PCDHGA9: variants seen among roughly 807,000 people sequenced by gnomAD.
PCDHGA9 encodes the protein protocadherin gamma subfamily A, 9.
A neutral mutation model predicts 62.5 loss-of-function variants in PCDHGA9; 37 were observed. The observed-to-expected ratio is 0.59, with a 90% CI of 0.46 to 0.78. PCDHGA9 has a LOEUF of 0.78. Among genes scored for constraint, PCDHGA9 ranks in the 30% least tolerant of loss-of-function variants. PCDHGA9 has a pLI of 0.00. For missense variants in PCDHGA9, 1,138 were observed against 1,166.2 expected, an observed-to-expected ratio of 0.98 and a Z score of 0.35; for synonymous variants, 459 against 484.6, an observed-to-expected ratio of 0.95 and a Z score of 0.69.
intron 1 of PCDHGA9, chr5:141,412,915 T>C (rs1167427710): frequency 2.0e-5 from 8 of 407,356 alleles, no homozygotes; most frequent in Non-Finnish European, 2.6e-5. Flanking sequence ...ATGTATCACT[T>C]GGGTGCAGTA....
At chr5:141,441,871 G>A (rs1020432020) in intron 1 of PCDHGA9, 3 of 340,480 alleles carry the variant, frequency 8.8e-6, no homozygotes, top group Admixed American at 8.1e-5. Context: ...CGCGGAGCCT[G>A]GCTACCTGGT....
At chr5:141,430,351 A>G (rs923321842) in intron 1 of PCDHGA9, among the ~76,000 whole-genome samples, 5 of 152,046 alleles carry the variant, frequency 3.3e-5, no homozygotes, top group African/African-American at 1.2e-4. Flanking sequence ...CAATTCATTT[A>G]AAAGCTCATT....
chr5:141,447,805 G>T (rs1389870133), intron 1 of PCDHGA9, among the ~76,000 whole-genome samples: 2 of 152,064 alleles, frequency 1.3e-5, no homozygotes, highest in African/African-American at 4.8e-5. Context: ...AATAAAATTG[G>T]CTGGGCGTGG....
At chr5:141,418,201 A>G (rs2096236241) in intron 1 of PCDHGA9, 1 of 1,614,020 alleles carries the variant, frequency 6.2e-7, no homozygotes, top group Non-Finnish European at 8.5e-7. Flanking sequence ...AAAATCCTTT[A>G]AATATTTTTC....
At chr5:141,428,147 G>C (rs771536400) in intron 1 of PCDHGA9, 1 of 1,589,612 alleles carries the variant, frequency 6.3e-7, no homozygotes, top group Admixed American at 1.7e-5. Flanking sequence ...GGCTGCACAC[G>C]GGAACCTGCT....
At chr5:141,427,100 T>G (rs1270371842) in intron 1 of PCDHGA9, 1 of 458,010 alleles carries the variant, frequency 2.2e-6, no homozygotes, top group Non-Finnish European at 4.4e-6. Flanking sequence ...AGGGTGTCAA[T>G]GCGGAGATCA....
At chr5:141,413,148 CTT>C (rs2095608671) in intron 1 of PCDHGA9, 2 of 1,570,414 alleles carry the variant, frequency 1.3e-6, no homozygotes, top group South Asian at 1.2e-5. Flanking sequence ...CCAGTGAGGA[CTT>C]TGCAGAATTC....
At position 141,511,124 on chromosome 5, in the gene PCDHGA9, C is replaced by A. The variant is rs752246201; in HGVS notation, c.2750C>A (p.Ala917Glu). The A allele has an allele frequency of 6.2e-7, 1 of 1,614,206 alleles. No homozygotes were observed. The highest frequency in any genetic ancestry group is 8.5e-7 in the Non-Finnish European group (1 of 1,180,022). ...AAGKRDGKAP[A>E]GGNGNKKKSG... The stretch of plus-strand genomic sequence containing the variant: ...GGCAAGCGGGATGGCAAGGCCCCAG[C>A]AGGTGGCAATGGCAACAAGAAGAAG... Residue 917 changes from alanine (A) to glutamate (E), a missense_variant, in exon 4 of 4, where the codon GCA becomes GAA. Coordinates refer to ENST00000573521, the MANE Select transcript of PCDHGA9 (RefSeq NM_018921.3).
In PCDHGA9 at chr5:141,505,419, C is replaced by G. The variant is rs1303924776; in HGVS notation, c.2510C>G (p.Thr837Ser). 6 of 1,614,140 alleles carry G rather than the reference C, an allele frequency of 3.7e-6. No individual in the cohort carries two copies. The highest frequency in any genetic ancestry group is 4.2e-6 in the Non-Finnish European group (5 of 1,180,062). Residue 837 changes from threonine to serine, a missense_variant, in exon 3 of 4, where the codon ACC becomes AGC. Thr to Ser is a moderately conservative substitution (Grantham distance 58). Coordinates refer to ENST00000573521, the MANE Select transcript of PCDHGA9 (RefSeq NM_018921.3). ...SGSQNGDDTGTWPNNQFDTEM... is the reference protein window; with the variant it reads ...SGSQNGDDTGSWPNNQFDTEM... ...TCCCAAAATGGCGATGACACCGGCACCTGGCCCAACAACCAGTTTGACACA... is the reference window on the plus strand; with the variant it reads ...TCCCAAAATGGCGATGACACCGGCAGCTGGCCCAACAACCAGTTTGACACA...
At chr5:141,510,580 G>A (rs947369646) in intron 3 of PCDHGA9, among the ~76,000 whole-genome samples, 7 of 152,248 alleles carry the variant, frequency 4.6e-5, no homozygotes, top group South Asian at 2.1e-4. Flanking sequence ...ACTATTTTAC[G>A]TACCTGACAT....
intron 1 of PCDHGA9, chr5:141,423,945 A>T (rs931771609): frequency 4.1e-6 from 5 of 1,207,688 alleles, no homozygotes; most frequent in Non-Finnish European, 4.1e-6. Context: ...AGTAAGTTGA[A>T]TTTTAGTATT....
Position 141,478,120 on chromosome 5 carries a change from G to A in PCDHGA9, c.2425-16687G>A, listed in dbSNP as rs772548778. 3.1e-6 allele frequency: 5 copies of A among 1,613,948 alleles called. No homozygotes were observed. In the Admixed American group the frequency reaches 6.7e-5, roughly 22 times the overall value. ...CTACCCTCACTGTGTCAGTAACCGA[G>A]GACTCTCCTGAAGCCCGAGCCGAGT... On this transcript the variant is annotated intron_variant, in intron 1 of 3. Coordinates refer to ENST00000573521, the MANE Select transcript of PCDHGA9 (RefSeq NM_018921.3).
At position 141,511,648 on chromosome 5, in the gene PCDHGA9, G is replaced by T. The variant is rs553080689; in HGVS notation, c.*475G>T. The T allele has an allele frequency of 1.4e-5, 3 of 214,700 alleles. No homozygotes were observed. Among genetic ancestry groups the T allele is most frequent in the East Asian group, 2.1e-4 (2 of 9,414 alleles). The allele number at this position is 214,700 out of a possible 1,614,324, so 13.3% of individuals were successfully genotyped here. A position where few individuals can be genotyped will look rare whatever the true frequency, so the allele number is the denominator to read the frequency against. On this transcript the variant is annotated 3_prime_UTR_variant, in exon 4 of 4. Coordinates refer to ENST00000573521, the MANE Select transcript of PCDHGA9 (RefSeq NM_018921.3). ...AGTTGGAAGGGCATCATGACCTCTTGGCCTCTCCTTTGATTCTCAATCTTC... is the reference window on the plus strand; with the variant it reads ...AGTTGGAAGGGCATCATGACCTCTTTGCCTCTCCTTTGATTCTCAATCTTC...
chr5:141,454,691 C>T (rs745856768), intron 1 of PCDHGA9, among the ~76,000 whole-genome samples: 5 of 152,038 alleles, frequency 3.3e-5, no homozygotes, highest in Non-Finnish European at 5.9e-5. Flanking sequence ...CAGGCATGAG[C>T]CACCATGCTC....
In PCDHGA9 at chr5:141,403,444, G is replaced by A. The variant is rs2094408321; in HGVS notation, c.492G>A (p.Val164=). ...AAGCTATTGATCCGGATGTTGGCGT[G>A]AACTCCCTCCAGAGCTACCAGCTCA... The part of the protein sequence containing the change: ...LPEAIDPDVG[V]NSLQSYQLSP... Residue 164 remains valine, a synonymous_variant, in exon 1 of 4, where the codon GTG becomes GTA. Transcript: ENST00000573521. 1 of 1,613,906 alleles carries A rather than the reference G, an allele frequency of 6.2e-7. No individual in the cohort carries two copies. Among genetic ancestry groups the A allele is most frequent in the African/African-American group, 1.3e-5 (1 of 74,930 alleles).
At chr5:141,505,523 G>C in intron 3 of PCDHGA9, 42 bp downstream of exon 3, 2 of 1,612,760 alleles carry the variant, frequency 1.2e-6, no homozygotes, top group South Asian at 2.2e-5. Context: ...GGGAGACCTG[G>C]GGTTCTGGGG....
chr5:141,467,055 C>CTTTTT (rs1193465269), intron 1 of PCDHGA9, among the ~76,000 whole-genome samples: 1 of 134,496 alleles, frequency 7.4e-6, no homozygotes, highest in Non-Finnish European at 1.6e-5. Context: ...TCAATGTTTT[C>CTTTTT]TTTTTTTTTT....
Position 141,486,639 on chromosome 5 carries a change from T to G in PCDHGA9, c.2425-8168T>G, listed in dbSNP as rs1250700423. ...GACCCAGACTCTGGCTTGAATGCGC[T>G]TATCTCCTACTCACTCCTGGAGCCC... On this transcript the variant is annotated intron_variant, in intron 1 of 3. Transcript: ENST00000573521. The surrounding 1 kb of genome is among the most constrained non-coding windows in gnomAD (Gnocchi z 5.0). The G allele has an allele frequency of 6.2e-7, 1 of 1,613,818 alleles. No individual in the cohort carries two copies. The highest frequency in any genetic ancestry group is 1.1e-5 in the South Asian group (1 of 91,084).
intron 2 of PCDHGA9, among the ~76,000 whole-genome samples, chr5:141,496,492 C>A (rs2099769172): frequency 6.6e-6 from 1 of 152,186 alleles, no homozygotes; most frequent in Non-Finnish European, 1.5e-5. Context: ...CCAACCAAAC[C>A]CTTGTTGCCA....
Sources: gnomAD v4.1 joint callset for allele counts (sites outside exome capture counted in the v4.1 genomes callset) on GRCh38, gnomAD v4.1.1 for gene constraint, Gnocchi (gnomAD v3.1) non-coding constraint, MANE v1.5 for transcripts, NCBI Gene and HGNC (gene_info 2026-07-23, HGNC 2026-07-21) for gene names.